The following GLDN variants were observed in gnomAD, a reference collection of about 807,000 sequenced individuals.
GLDN encodes gliomedin.
GLDN carries 47 observed loss-of-function variants against 56.5 expected under a neutral mutation model. That is an observed-to-expected ratio of 0.83 (90% CI 0.66 to 1.06). The LOEUF (loss-of-function observed/expected upper bound fraction) is 1.06. Ranked by LOEUF, GLDN falls within the 50% of genes least tolerant of loss-of-function variation. The probability of loss-of-function intolerance (pLI) is 0.00; values close to 1 mark genes in which losing one functional copy is unlikely to be tolerated. For synonymous variants in GLDN, 332 were observed against 278.8 expected (o/e 1.19, Z -1.90); for missense variants, 782 against 714.3 (o/e 1.09, Z -1.08).
chr15:51,404,316 T>C lies in GLDN; in HGVS notation c.1218T>C (p.Leu406=). The stretch of plus-strand genomic sequence containing the variant: ...AGGAAACATCCCAAACTCTGAAGCT[T>C]GAAAATGCCTTGTATTTTGATCGAA... ...FGQETSQTLK[L]ENALYFDRKY... The change falls in exon 10 of 10, where the codon CTT becomes CTC. Residue 406 remains leucine (L), a synonymous_variant. Coordinates refer to ENST00000335449, the MANE Select transcript of GLDN (RefSeq NM_181789.4). The C allele has an allele frequency of 6.2e-7, 1 of 1,607,530 alleles. No homozygotes were observed. Among genetic ancestry groups the C allele is most frequent in the African/African-American group, 1.3e-5 (1 of 74,644 alleles).
In GLDN at chr15:51,377,528, C is replaced by A. The variant is rs199869147; in HGVS notation, c.415+28C>A. On this transcript the variant is annotated intron_variant, in intron 2 of 9. Transcript: ENST00000335449. Reference sequence around the variant, plus strand: ...AGGCTGGCCGCTGAGCAGAGCCGCTCACACAACAAGGACTTGTGCCGCTGA... The same window carrying A: ...AGGCTGGCCGCTGAGCAGAGCCGCTAACACAACAAGGACTTGTGCCGCTGA... The A allele has an allele frequency of 3.7e-4, 601 of 1,604,266 alleles. 1 individual carries two copies. The highest frequency in any genetic ancestry group is 4.2e-4 in the Admixed American group (25 of 59,514).
At chr15:51,395,882 G>A (rs1327705124) in intron 5 of GLDN, among the ~76,000 whole-genome samples, 1 of 152,196 alleles carries the variant, frequency 6.6e-6, no homozygotes, top group Non-Finnish European at 1.5e-5. Flanking sequence ...TGAAGGGGGA[G>A]CAGGTACATC....
chr15:51,360,679 A>G (rs1354537283), intron 1 of GLDN: 2 of 152,166 alleles, frequency 1.3e-5, no homozygotes, highest in African/African-American at 2.4e-5. Context: ...AATACTAGGT[A>G]TTTCTCCCAC....
chr15:51,403,737 T>C (rs1257918903), intron 9 of GLDN, among the ~76,000 whole-genome samples: 1 of 152,222 alleles, frequency 6.6e-6, no homozygotes. Flanking sequence ...AAACTCTTTT[T>C]TTAAAATTTC....
intron 1 of GLDN, among the ~76,000 whole-genome samples, chr15:51,361,359 C>T (rs1037244554): frequency 1.3e-5 from 2 of 152,012 alleles, no homozygotes; most frequent in African/African-American, 2.4e-5. Flanking sequence ...TGATGAATAC[C>T]TCTTGACTAT....
chr15:51,394,964 AC>A lies in GLDN; in HGVS notation c.672del (p.Asn224LysfsTer80). ...GEKGDKGDVS[N>X]DVLLAGAKGD... ...AAGGGTGACAAAGGAGATGTGTCCA[AC>A]GACGTGCTCCTGGCAGGTAAGAGGG... On this transcript the variant is annotated frameshift_variant, in exon 5 of 10. Transcript: ENST00000335449. LOFTEE classifies it high-confidence loss of function. 2.5e-6 allele frequency: 4 copies of A among 1,603,352 alleles called. No homozygotes were observed. Among genetic ancestry groups the A allele is most frequent in the Non-Finnish European group, 3.4e-6 (4 of 1,175,970 alleles).
At chr15:51,342,413 C>T (rs1489015400) in intron 1 of GLDN, among the ~76,000 whole-genome samples, 1 of 152,242 alleles carries the variant, frequency 6.6e-6, no homozygotes, top group African/African-American at 2.4e-5. Flanking sequence ...TCCGCCTGTG[C>T]CACTGACCTG....
At chr15:51,382,239 C>A (rs141304454) in intron 2 of GLDN, among the ~76,000 whole-genome samples, 3 of 152,276 alleles carry the variant, frequency 2.0e-5, no homozygotes, top group Non-Finnish European at 1.5e-5. Flanking sequence ...TCCCCAGTAC[C>A]CCTTGTCAGG....
chr15:51,382,821 G>T (rs750688264), intron 2 of GLDN, among the ~76,000 whole-genome samples: 1 of 152,006 alleles, frequency 6.6e-6, no homozygotes, highest in Non-Finnish European at 1.5e-5. Flanking sequence ...TAGAATAGTC[G>T]ACAATAAGAC....
chr15:51,400,706 A>G (rs114537731), intron 8 of GLDN, among the ~76,000 whole-genome samples: 1 of 152,228 alleles, frequency 6.6e-6, no homozygotes, highest in Non-Finnish European at 1.5e-5. Flanking sequence ...TTCAGGTCAC[A>G]GGGGCATGAG....
chr15:51,378,009 C>T (rs775750924), intron 2 of GLDN, among the ~76,000 whole-genome samples: 6 of 152,144 alleles, frequency 3.9e-5, no homozygotes, highest in African/African-American at 1.2e-4. Context: ...CTGGGGAGGC[C>T]GGGCTAGAGC....
At chr15:51,392,433 T>A (rs1244492864) in intron 4 of GLDN, among the ~76,000 whole-genome samples, 1 of 152,210 alleles carries the variant, frequency 6.6e-6, no homozygotes, top group African/African-American at 2.4e-5. Flanking sequence ...CACCCCCAGA[T>A]GGGACTGTCT....
At chr15:51,400,895 C>T (rs928104979) in intron 8 of GLDN, among the ~76,000 whole-genome samples, 3 of 152,176 alleles carry the variant, frequency 2.0e-5, no homozygotes, top group African/African-American at 7.2e-5. Context: ...GTACTTTTGG[C>T]CATCTTTCCC....
At position 51,390,292 on chromosome 15, in the gene GLDN, C is replaced by T. The variant is rs148713025; in HGVS notation, c.542-4543C>T. ...TATTATTGTTGTTGTTTTCAAAAGT[C>T]GGGAAGGAGAAACTTTATTTTAGAC... On this transcript the variant is annotated intron_variant, in intron 4 of 9. Coordinates refer to ENST00000335449, the MANE Select transcript of GLDN (RefSeq NM_181789.4). 4.2e-3 allele frequency among the ~76,000 whole-genome samples: 636 copies of T among 152,270 alleles called. 7 individuals are homozygous for T. The highest frequency in any genetic ancestry group is 0.014 in the African/African-American group (594 of 41,552).
At chr15:51,387,795 G>T (rs770868778) in intron 4 of GLDN, among the ~76,000 whole-genome samples, 2 of 152,148 alleles carry the variant, frequency 1.3e-5, no homozygotes, top group African/African-American at 2.4e-5. Context: ...AGGGTGGGGT[G>T]TGCCCTCTAG....
chr15:51,397,160 C>T (rs1319332739), intron 5 of GLDN, among the ~76,000 whole-genome samples: 1 of 152,102 alleles, frequency 6.6e-6, no homozygotes, highest in Non-Finnish European at 1.5e-5. Flanking sequence ...AGATCTCTGC[C>T]CCTTCCTGGT....
chr15:51,365,683 G>T (rs1254254012), intron 1 of GLDN, among the ~76,000 whole-genome samples: 3 of 152,152 alleles, frequency 2.0e-5, no homozygotes, highest in Non-Finnish European at 4.4e-5. Context: ...TACACCTTTG[G>T]CCTCAGGTGT....
Position 51,404,808 on chromosome 15 carries a change from C to A in GLDN, c.*54C>A. ...TTTCAGGGGTTTTCTGGGACCAGTT[C>A]TCCCCCAACAGGAAACTTGTTTTTT... On this transcript the variant is annotated 3_prime_UTR_variant, in exon 10 of 10. Transcript: ENST00000335449. The A allele has an allele frequency of 1.1e-6, 1 of 878,852 alleles. No individual in the cohort carries two copies. The highest frequency in any genetic ancestry group is 1.8e-6 in the Non-Finnish European group (1 of 548,328). 54.4% of individuals were successfully genotyped at this position (878,852 alleles called of 1,614,324 possible).
Position 51,355,809 on chromosome 15 carries a change from C to G in GLDN, c.363+13762C>G, listed in dbSNP as rs968989242. On this transcript the variant is annotated intron_variant, in intron 1 of 9. Transcript: ENST00000335449. Reference sequence around the variant, plus strand: ...AAGTGCTGGGATTACAGGCGTGAGCCACCACACCCGGCCCTACTGCATGCT... The same window carrying G: ...AAGTGCTGGGATTACAGGCGTGAGCGACCACACCCGGCCCTACTGCATGCT... Among the ~76,000 whole-genome samples, 3 of 150,032 alleles carry G rather than the reference C, an allele frequency of 2.0e-5. No homozygotes were observed. In the East Asian group the frequency reaches 6.1e-4, roughly 30 times the overall value.
Sources: allele counts gnomAD v4.1 joint callset (sites outside exome capture counted in the v4.1 genomes callset), GRCh38; gene constraint gnomAD v4.1.1; transcripts MANE v1.5; gene names NCBI Gene and HGNC (gene_info 2026-07-23, HGNC 2026-07-21).